Variants in PANK2 observed in about 807,000 individuals in gnomAD.
PANK2 encodes the protein pantothenate kinase 2.
PANK2 carries 36 observed loss-of-function variants against 43.1 expected under a neutral mutation model. The observed-to-expected ratio is 0.84, with a 90% confidence interval of 0.64 to 1.10. The LOEUF (loss-of-function observed/expected upper bound fraction) is 1.10. PANK2 is among the 50% of genes least tolerant of loss of function. PANK2 has a pLI of 0.00. For synonymous variants in PANK2, 281 were observed against 238.2 expected, an observed-to-expected ratio of 1.18 and a Z score of -1.66; for missense variants, 576 against 593.3, an observed-to-expected ratio of 0.97 and a Z score of 0.30.
intron 1 of PANK2, among the ~76,000 whole-genome samples, chr20:3,896,730 C>A (rs948635704): frequency 6.6e-6 from 1 of 152,150 alleles, no homozygotes; most frequent in Non-Finnish European, 1.5e-5. Flanking sequence ...GATGGCCAAA[C>A]AAGAGGTTCC....
At chr20:3,922,381 C>T (rs2090659968) in intron 6 of PANK2, among the ~76,000 whole-genome samples, 1 of 152,216 alleles carries the variant, frequency 6.6e-6, no homozygotes. Flanking sequence ...GACCTGACTG[C>T]TTCTGGAGAC....
In PANK2 at chr20:3,923,111, C is replaced by T. The variant is rs867659081; in HGVS notation, c.1333-133C>T. On this transcript the variant is annotated intron_variant, in intron 6 of 6. Transcript: ENST00000610179. ...GTCTCTGCTCCCAGGCTGGCCTTGGCCCTTCTGGGGTGCTCAGGAAATGGG... is the reference window on the plus strand; with the variant it reads ...GTCTCTGCTCCCAGGCTGGCCTTGGTCCTTCTGGGGTGCTCAGGAAATGGG... The T allele has an allele frequency of 3.8e-6, 4 of 1,043,768 alleles. No individual in the cohort carries two copies. In the East Asian group the frequency reaches 9.5e-5, roughly 25 times the overall value. The allele number at this position is 1,043,768 out of a possible 1,614,324, so 64.7% of individuals were successfully genotyped here. A position where few individuals can be genotyped will look rare whatever the true frequency, so the allele number is the denominator to read the frequency against.
chr20:3,918,118 C>T (rs934942045), intron 5 of PANK2, among the ~76,000 whole-genome samples: 5 of 152,268 alleles, frequency 3.3e-5, no homozygotes, highest in Middle Eastern at 3.4e-3. Flanking sequence ...TGACATTTAT[C>T]GTCATGATGC....
rs1484597202 is a variant in PANK2 at position 3,924,479 on chromosome 20, G to A, written c.*1185G>A. ...AGCAGAGACACCCGTGTTCCAGCTG[G>A]GGCAAGGGGAACTGATATGTGGGCT... is the stretch of plus-strand genomic sequence containing the variant. On this transcript the variant is annotated 3_prime_UTR_variant, in exon 7 of 7. Transcript: ENST00000610179. 1.3e-5 allele frequency: 2 copies of A among 152,432 alleles called. No individual in the cohort carries two copies. Among genetic ancestry groups the A allele is most frequent in the Non-Finnish European group, 2.9e-5 (2 of 68,218 alleles). 9.4% of individuals were successfully genotyped at this position (152,432 alleles called of 1,614,324 possible). A position where few individuals can be genotyped will look rare whatever the true frequency, so the allele number is the denominator to read the frequency against.
At position 3,894,602 on chromosome 20, in the gene PANK2, G is replaced by A. The variant is rs899951566; in HGVS notation, c.298+4874G>A. 4.8e-5 allele frequency among the ~76,000 whole-genome samples: 7 copies of A among 145,502 alleles called. No individual in the cohort carries two copies. The East Asian group carries it at 1.1e-3, about 22-fold the overall frequency. Reference sequence around the variant, plus strand: ...TATTTATTTATTTATTTATTGAGACGAAGTCTTACTCTGTCGCCCAGGCTG... The same window carrying A: ...TATTTATTTATTTATTTATTGAGACAAAGTCTTACTCTGTCGCCCAGGCTG... On this transcript the variant is annotated intron_variant, in intron 1 of 6. Transcript: ENST00000610179.
rs555683860 is a variant in PANK2 at position 3,889,391 on chromosome 20, T to C, written c.-40T>C. 1 of 1,574,552 alleles carries C rather than the reference T, an allele frequency of 6.4e-7. No homozygotes were observed. Among genetic ancestry groups the C allele is most frequent in the Non-Finnish European group, 8.6e-7 (1 of 1,162,176 alleles). On this transcript the variant is annotated 5_prime_UTR_variant, in exon 1 of 7. Coordinates refer to ENST00000610179, the MANE Select transcript of PANK2 (RefSeq NM_001386393.1). ...GCCGGCCGAGGGCGCGCCTCTGCTC[T>C]GGCTGGACTGCCGCGGAGGAGGCGA...
At chr20:3,889,874 G>C in intron 1 of PANK2, 146 bp downstream of exon 1, 1 of 1,532,158 alleles carries the variant, frequency 6.5e-7, no homozygotes, top group Non-Finnish European at 8.7e-7. Flanking sequence ...CCTGACATCC[G>C]GCTGGAGGCC....
intron 2 of PANK2, among the ~76,000 whole-genome samples, chr20:3,909,326 T>G (rs1037836202): frequency 6.6e-6 from 1 of 152,176 alleles, no homozygotes; most frequent in African/African-American, 2.4e-5. Flanking sequence ...GTGATCTGCC[T>G]GCTTCAGCCT....
intron 6 of PANK2, among the ~76,000 whole-genome samples, chr20:3,922,985 G>C (rs1031970979): frequency 1.3e-5 from 2 of 152,142 alleles, no homozygotes; most frequent in African/African-American, 4.8e-5. Flanking sequence ...AGCTCCTGTC[G>C]CCCTCACTGC....
chr20:3,897,792 A>C (rs1381427638), intron 1 of PANK2, among the ~76,000 whole-genome samples: 1 of 152,120 alleles, frequency 6.6e-6, no homozygotes, highest in African/African-American at 2.4e-5. Flanking sequence ...GAATTAGTTG[A>C]GGTTACGAGT....
At chr20:3,889,041 G>A (rs1472602134), upstream of PANK2, 10 of 1,396,346 alleles carry the variant, frequency 7.2e-6, no homozygotes, top group Non-Finnish European at 8.7e-6. Context: ...CGCCCCAGGA[G>A]AGTTCCGCGG....
At chr20:3,917,888 A>G (rs2146890522) in intron 5 of PANK2, among the ~76,000 whole-genome samples, 1 of 152,320 alleles carries the variant, frequency 6.6e-6, no homozygotes, top group East Asian at 1.9e-4. Flanking sequence ...TGTGCATACC[A>G]CAATTTGTAT....
chr20:3,900,641 T>A (rs984127813), intron 1 of PANK2, among the ~76,000 whole-genome samples: 57 of 152,054 alleles, frequency 3.7e-4, no homozygotes, highest in African/African-American at 1.3e-3. Flanking sequence ...TATACTTGAA[T>A]TTCTCCTTTT....
chr20:3,918,684 T>G lies in PANK2; in HGVS notation c.1220T>G (p.Val407Gly), dbSNP rs1423576842. Residue 407 changes from valine (V) to glycine (G), a missense_variant, in exon 6 of 7, where the codon GTG (valine) becomes GGG (glycine). By Grantham distance (109) the Val-to-Gly change is moderately radical. Transcript: ENST00000610179. ...TGGTGTGCTCAGAACATTAACCAGG[T>G]GGTATTTGTTGGAAATTTCTTGAGA... 1 of 1,614,182 alleles carries G rather than the reference T, an allele frequency of 6.2e-7. No homozygotes were observed. The highest frequency in any genetic ancestry group is 2.2e-5 in the East Asian group (1 of 44,878).
In PANK2 at chr20:3,914,478, AT is replaced by A. The variant is rs955831800; in HGVS notation, c.1082+1854del. Among the ~76,000 whole-genome samples the A allele has an allele frequency of 1.5e-4, 22 of 148,620 alleles. 1 individual carries two copies. The highest frequency in any genetic ancestry group is 2.1e-4 in the South Asian group (1 of 4,708). ...CTACAGCTGTGCACTGCCTTGCCTA[AT>A]TTTTTTTTTGTAGAGATAGGGTCTT... On this transcript the variant is annotated intron_variant, in intron 4 of 6. Transcript: ENST00000610179.
At chr20:3,905,421 G>A (rs1053687526) in intron 1 of PANK2, among the ~76,000 whole-genome samples, 18 of 145,628 alleles carry the variant, frequency 1.2e-4, no homozygotes, top group African/African-American at 4.6e-4. Context: ...CATGATCTCC[G>A]CTCACTGCTC....
rs188457748 is a variant in PANK2 at position 3,895,182 on chromosome 20, G to A, written c.298+5454G>A. 7.9e-5 allele frequency among the ~76,000 whole-genome samples: 12 copies of A among 152,230 alleles called. No individual in the cohort carries two copies. The East Asian group carries it at 1.5e-3, about 20-fold the overall frequency. On this transcript the variant is annotated intron_variant, in intron 1 of 6. Transcript: ENST00000610179. The stretch of plus-strand genomic sequence containing the variant: ...CCAGCTACTCAGGACGCTGAGGCAG[G>A]AGAATCACTCGAACCCAGGAGGTGG...
Position 3,910,691 on chromosome 20 carries a change from C to G in PANK2, c.766C>G (p.Pro256Ala), listed in dbSNP as rs777624606. 2.5e-6 allele frequency: 4 copies of G among 1,614,108 alleles called. No individual in the cohort carries two copies. The highest frequency in any genetic ancestry group is 3.3e-5 in the Admixed American group (2 of 60,006). Residue 256 changes from proline (P) to alanine (A), a missense_variant, in exon 3 of 7, where the codon CCT becomes GCT. Coordinates refer to ENST00000610179, the MANE Select transcript of PANK2 (RefSeq NM_001386393.1). ...GTCACAGTGCTATTACTTTGAAAACCCTGCTGATTCTGAAAAGTGTCAGAA... is the reference window on the plus strand; with the variant it reads ...GTCACAGTGCTATTACTTTGAAAACGCTGCTGATTCTGAAAAGTGTCAGAA...
chr20:3,897,979 T>C (rs1370838468), intron 1 of PANK2, among the ~76,000 whole-genome samples: 1 of 151,976 alleles, frequency 6.6e-6, no homozygotes, highest in Non-Finnish European at 1.5e-5. Context: ...GCACTCCATC[T>C]GAGCAACAGA....
Sources: gnomAD v4.1 joint callset for allele counts (sites outside exome capture counted in the v4.1 genomes callset) on GRCh38, gnomAD v4.1.1 for gene constraint, MANE v1.5 for transcripts, NCBI Gene and HGNC (gene_info 2026-07-23, HGNC 2026-07-21) for gene names.